OR56A3: variants seen among roughly 807,000 people sequenced by gnomAD.
OR56A3 encodes the protein olfactory receptor family 56 subfamily A member 3, also known as olfactory receptor 56A3.
OR56A3 carries 23 observed loss-of-function variants against 17.5 expected under a neutral mutation model. That is an observed-to-expected ratio of 1.32 (90% CI 0.95 to 1.87). OR56A3 has a LOEUF of 1.87. Among genes scored for constraint, OR56A3 ranks in the 40% most tolerant of loss-of-function variants. The probability of loss-of-function intolerance (pLI) is 0.00; values close to 1 mark genes in which losing one functional copy is unlikely to be tolerated. For missense variants in OR56A3, 366 were observed against 380.1 expected (o/e 0.96, Z 0.31); for synonymous variants, 175 against 150.6 (o/e 1.16, Z -1.19).
chr11:6,001,937 G>A, the OR56A3 span: 12 of 1,055,624 alleles, frequency 1.1e-5, no homozygotes, highest in East Asian at 2.6e-5. Flanking sequence ...AGAAGAATCC[G>A]AACTCAGGCA....
At position 5,944,791 on chromosome 11, in the gene OR56A3, C is replaced by T. The variant is rs953596495; in HGVS notation, c.-313-15C>T. 6 of 152,146 alleles carry T rather than the reference C, an allele frequency of 3.9e-5. No individual in the cohort carries two copies. The highest frequency in any genetic ancestry group is 8.8e-5 in the Non-Finnish European group (6 of 68,030). The allele number at this position is 152,146 out of a possible 1,614,324, so 9.4% of individuals were successfully genotyped here. ...AACTTATCAGGTCATTACTAATATA[C>T]CCTATTATTTACAGGAGAAAAGAAT... is the stretch of plus-strand genomic sequence containing the variant. On this transcript the variant is annotated splice_polypyrimidine_tract_variant and intron_variant, in intron 1 of 2. Coordinates refer to ENST00000641160, the MANE Select transcript of OR56A3 (RefSeq NM_001003443.3).
the OR56A3 span, chr11:6,001,011 G>T: frequency 6.6e-6 from 1 of 152,204 alleles, no homozygotes; most frequent in Admixed American, 6.5e-5. Flanking sequence ...ATCTGAATTT[G>T]CATCCCCAAA....
the OR56A3 span, among the ~76,000 whole-genome samples, chr11:6,005,479 A>C: frequency 6.6e-6 from 1 of 152,222 alleles, no homozygotes. Flanking sequence ...GAGGATCCTT[A>C]GAAGTCTGTC....
At chr11:6,017,820 T>C in the OR56A3 span, among the ~76,000 whole-genome samples, 1 of 152,080 alleles carries the variant, frequency 6.6e-6, no homozygotes, top group African/African-American at 2.4e-5. Flanking sequence ...TACAAGAAAC[T>C]CACTTCACCT....
chr11:5,976,325 G>A, the OR56A3 span, among the ~76,000 whole-genome samples: 1 of 151,956 alleles, frequency 6.6e-6, no homozygotes, highest in Non-Finnish European at 1.5e-5. Context: ...AGGGGTAAAA[G>A]AAAAGAAAGG....
chr11:5,971,334 C>T, the OR56A3 span, among the ~76,000 whole-genome samples: 1 of 152,212 alleles, frequency 6.6e-6, no homozygotes, highest in South Asian at 2.1e-4. Flanking sequence ...ATTTCTCACC[C>T]TCTGCTCATT....
At chr11:5,960,104 C>T in the OR56A3 span, among the ~76,000 whole-genome samples, 14 of 151,974 alleles carry the variant, frequency 9.2e-5, no homozygotes, top group Admixed American at 2.6e-4. Flanking sequence ...AAGTGTGATG[C>T]CTTCATTTTT....
the OR56A3 span, among the ~76,000 whole-genome samples, chr11:5,976,730 T>A: frequency 6.6e-6 from 1 of 152,128 alleles, no homozygotes; most frequent in Non-Finnish European, 1.5e-5. Context: ...TCACCTTATA[T>A]TTTAGGCTCA....
At chr11:6,012,916 C>T in the OR56A3 span, among the ~76,000 whole-genome samples, 1 of 152,242 alleles carries the variant, frequency 6.6e-6, no homozygotes, top group Non-Finnish European at 1.5e-5. Context: ...AGCTCAGCCC[C>T]AACTCTGCTC....
downstream of OR56A3, among the ~76,000 whole-genome samples, chr11:5,952,552 G>GT (rs1254447754): frequency 6.6e-6 from 1 of 150,768 alleles, no homozygotes; most frequent in African/African-American, 2.4e-5. Flanking sequence ...GATTCAGGGG[G>GT]TACATGTAGG....
chr11:5,947,256 G>T, intron 2 of OR56A3, 55 bp from the exon 3 acceptor site: 4 of 1,191,224 alleles, frequency 3.4e-6, no homozygotes, highest in Admixed American at 2.7e-5. Context: ...CAAACAAATT[G>T]TGCTATCTTT....
the OR56A3 span, chr11:6,000,797 T>C: frequency 2.0e-5 from 3 of 152,182 alleles, no homozygotes; most frequent in Admixed American, 2.0e-4. Context: ...AAACAAAGTT[T>C]AAGATAAGTC....
At chr11:5,989,378 C>G in the OR56A3 span, among the ~76,000 whole-genome samples, 1 of 151,956 alleles carries the variant, frequency 6.6e-6, no homozygotes, top group Non-Finnish European at 1.5e-5. Flanking sequence ...CAAACTAGCC[C>G]TGGGGCTGCT....
the OR56A3 span, among the ~76,000 whole-genome samples, chr11:5,989,754 C>A: frequency 6.6e-6 from 1 of 152,256 alleles, no homozygotes; most frequent in Non-Finnish European, 1.5e-5. Flanking sequence ...TAACCAAAAC[C>A]ACTTATACTC....
At chr11:5,944,695 A>G (rs1208454461) in intron 1 of OR56A3, 111 bp from the exon 2 acceptor site, 1 of 152,240 alleles carries the variant, frequency 6.6e-6, no homozygotes, top group African/African-American at 2.4e-5. Context: ...CTGCTAAAAT[A>G]ATCAACTTAC....
the OR56A3 span, among the ~76,000 whole-genome samples, chr11:6,008,689 T>C: frequency 6.6e-6 from 1 of 152,052 alleles, no homozygotes; most frequent in Non-Finnish European, 1.5e-5. Context: ...ATTCAATTTA[T>C]TTTTTCATTT....
chr11:5,986,269 G>C, the OR56A3 span: 3 of 1,613,812 alleles, frequency 1.9e-6, no homozygotes, highest in Non-Finnish European at 2.5e-6. Context: ...CACAAGCAAG[G>C]CCATAGTCAG....
At chr11:6,000,218 G>A in the OR56A3 span, 1 of 152,208 alleles carries the variant, frequency 6.6e-6, no homozygotes, top group East Asian at 1.9e-4. Flanking sequence ...CAAGCCAAAT[G>A]TCCAACAATG....
the OR56A3 span, chr11:5,968,349 A>G: frequency 1.9e-5 from 30 of 1,613,828 alleles, no homozygotes; most frequent in African/African-American, 3.6e-4. Flanking sequence ...GATGGTGATC[A>G]GAAGGGTGGC....
Sources: allele counts gnomAD v4.1 joint callset (sites outside exome capture counted in the v4.1 genomes callset), GRCh38; gene constraint gnomAD v4.1.1; transcripts MANE v1.5; gene names NCBI Gene and HGNC (gene_info 2026-07-23, HGNC 2026-07-21).